Variants in CNTNAP5 observed in about 807,000 individuals in gnomAD.
CNTNAP5 encodes contactin-associated protein-like 5.
A neutral mutation model predicts 150.2 loss-of-function variants in CNTNAP5; 72 were observed. That is an observed-to-expected ratio of 0.48 (90% CI 0.40 to 0.58). The LOEUF (loss-of-function observed/expected upper bound fraction) is 0.58. Among genes scored for constraint, CNTNAP5 ranks in the 20% least tolerant of loss-of-function variants. The pLI, the probability that CNTNAP5 is intolerant of heterozygous loss-of-function variation, is 0.00. For missense variants in CNTNAP5, 1,636 were observed against 1,626.2 expected, an observed-to-expected ratio of 1.01 and a Z score of -0.10; for synonymous variants, 672 against 619.8, an observed-to-expected ratio of 1.08 and a Z score of -1.25.
intron 7 of CNTNAP5, among the ~76,000 whole-genome samples, chr2:124,478,122 A>C (rs1399013793): frequency 1.3e-5 from 2 of 152,114 alleles, no homozygotes; most frequent in Non-Finnish European, 2.9e-5. Flanking sequence ...CAGAGCAAAA[A>C]AAAGGAAGAT....
At chr2:124,107,776 G>A (rs1683201479) in intron 1 of CNTNAP5, among the ~76,000 whole-genome samples, 1 of 152,198 alleles carries the variant, frequency 6.6e-6, no homozygotes. Context: ...GCACATGCAT[G>A]ACACAGCCTC....
intron 1 of CNTNAP5, among the ~76,000 whole-genome samples, chr2:124,219,372 T>C (rs1174933384): frequency 6.6e-6 from 1 of 152,160 alleles, no homozygotes; most frequent in East Asian, 1.9e-4. Flanking sequence ...CAGTGTCTAA[T>C]AAATACATAA....
intron 1 of CNTNAP5, among the ~76,000 whole-genome samples, chr2:124,041,244 G>T (rs1052576712): frequency 6.6e-6 from 1 of 152,160 alleles, no homozygotes; most frequent in Non-Finnish European, 1.5e-5. Context: ...TATGTCTTCT[G>T]CATAAATATC....
intron 3 of CNTNAP5, among the ~76,000 whole-genome samples, chr2:124,345,099 G>A (rs1323312585): frequency 6.6e-6 from 1 of 152,172 alleles, no homozygotes; most frequent in Non-Finnish European, 1.5e-5. Context: ...GCATGAACTA[G>A]CTTAATACAC....
intron 10 of CNTNAP5, among the ~76,000 whole-genome samples, chr2:124,540,489 T>A (rs1022462819): frequency 6.6e-6 from 1 of 152,182 alleles, no homozygotes; most frequent in Admixed American, 6.5e-5. Context: ...TCTGCTAATA[T>A]TCCTCTGTGA....
chr2:124,423,569 ATC>A (rs2104783699), intron 4 of CNTNAP5, among the ~76,000 whole-genome samples: 1 of 146,880 alleles, frequency 6.8e-6, no homozygotes, highest in East Asian at 2.1e-4. Context: ...CGTGGTCTCG[ATC>A]TCCTGACCTC....
chr2:124,469,309 A>G (rs1057010470), intron 6 of CNTNAP5, among the ~76,000 whole-genome samples: 1 of 152,178 alleles, frequency 6.6e-6, no homozygotes, highest in Non-Finnish European at 1.5e-5. Context: ...TTTAAAAGAC[A>G]GCAGCTTTTT....
At chr2:124,660,047 G>GAAGA (rs1553428298) in intron 13 of CNTNAP5, among the ~76,000 whole-genome samples, 6 of 38,534 alleles carry the variant, frequency 1.6e-4, no homozygotes, top group African/African-American at 1.3e-3. Flanking sequence ...AGGAAGAAAG[G>GAAGA]AAGGAAGGAA....
chr2:124,687,627 T>C (rs1679218588), intron 13 of CNTNAP5, among the ~76,000 whole-genome samples: 1 of 152,012 alleles, frequency 6.6e-6, no homozygotes, highest in Admixed American at 6.6e-5. Flanking sequence ...AGGATGGTAC[T>C]TCCTGATCAT....
intron 1 of CNTNAP5, among the ~76,000 whole-genome samples, chr2:124,096,714 T>G (rs2104691810): frequency 6.6e-6 from 1 of 152,038 alleles, no homozygotes; most frequent in Admixed American, 6.5e-5. Context: ...ATTTATTTAT[T>G]TATTATAGAG....
intron 3 of CNTNAP5, among the ~76,000 whole-genome samples, chr2:124,388,645 T>A (rs1472487411): frequency 6.6e-6 from 1 of 152,218 alleles, no homozygotes; most frequent in Non-Finnish European, 1.5e-5. Context: ...TTTGCTAATG[T>A]CCATCCCTGG....
chr2:124,704,903 C>T (rs1679601802), intron 13 of CNTNAP5, among the ~76,000 whole-genome samples: 1 of 152,072 alleles, frequency 6.6e-6, no homozygotes, highest in Non-Finnish European at 1.5e-5. Flanking sequence ...TTCCCTTACC[C>T]CTTCAAGTTT....
At chr2:124,136,768 A>G (rs900179605) in intron 1 of CNTNAP5, among the ~76,000 whole-genome samples, 1 of 152,202 alleles carries the variant, frequency 6.6e-6, no homozygotes, top group African/African-American at 2.4e-5. Flanking sequence ...CTGAAACTGG[A>G]TGGCTGAAAG....
chr2:124,758,408 C>A (rs1197796262), intron 14 of CNTNAP5, among the ~76,000 whole-genome samples: 2 of 151,686 alleles, frequency 1.3e-5, no homozygotes, highest in Non-Finnish European at 2.9e-5. Flanking sequence ...AGTAGACAGT[C>A]AAATAAATAT....
chr2:124,808,076 C>T (rs1682118860), intron 19 of CNTNAP5, among the ~76,000 whole-genome samples: 1 of 152,164 alleles, frequency 6.6e-6, no homozygotes, highest in South Asian at 2.1e-4. Context: ...GAGCCTCCAG[C>T]TCCGATACCC....
intron 21 of CNTNAP5, among the ~76,000 whole-genome samples, chr2:124,878,847 C>T (rs57373389): frequency 0.15 from 22,550 of 151,290 alleles, 5,367 homozygotes; most frequent in African/African-American, 0.51. Context: ...CTCGCCCGGC[C>T]AATTTTTGTA....
chr2:124,229,774 T>C (rs1446813709), intron 2 of CNTNAP5, among the ~76,000 whole-genome samples: 2 of 152,016 alleles, frequency 1.3e-5, no homozygotes, highest in Admixed American at 6.6e-5. Flanking sequence ...CACGGAGTTG[T>C]GGGTTAGGCC....
intron 23 of CNTNAP5, among the ~76,000 whole-genome samples, chr2:124,912,303 C>T (rs1346692114): frequency 1.3e-5 from 2 of 152,078 alleles, no homozygotes; most frequent in African/African-American, 2.4e-5. Flanking sequence ...ATGAACTGAT[C>T]CTTGGCAGAT....
At chr2:124,510,325 C>CTATATCTATATATCTATATATCTA (rs1694543482) in intron 8 of CNTNAP5, among the ~76,000 whole-genome samples, 2 of 8,314 alleles carry the variant, frequency 2.4e-4, no homozygotes, top group Admixed American at 2.0e-3. Flanking sequence ...ATATATCTAT[C>CTATATCTATATATCTATATATCTA]TATATATATA....
Sources: allele counts gnomAD v4.1 joint callset (sites outside exome capture counted in the v4.1 genomes callset), GRCh38; gene constraint gnomAD v4.1.1; transcripts MANE v1.5; gene names NCBI Gene and HGNC (gene_info 2026-07-23, HGNC 2026-07-21).